DACH1: variants seen among roughly 807,000 people sequenced by gnomAD.
DACH1 encodes the protein dachshund homolog 1.
DACH1 carries 12 observed loss-of-function variants against 54.2 expected under a neutral mutation model. The observed-to-expected ratio is 0.22, with a 90% CI of 0.14 to 0.36. The LOEUF is 0.36. DACH1 is among the 10% of genes least tolerant of loss of function. The probability of loss-of-function intolerance (pLI) is 1.00; values close to 1 mark genes in which losing one functional copy is unlikely to be tolerated. For synonymous variants in DACH1, 386 were observed against 366.2 expected (o/e 1.05, Z -0.62); for missense variants, 805 against 929.8 (o/e 0.87, Z 1.75).
At chr13:71,641,148 C>T (rs1197083563) in intron 2 of DACH1, among the ~76,000 whole-genome samples, 3 of 151,794 alleles carry the variant, frequency 2.0e-5, no homozygotes, top group Admixed American at 1.3e-4. Context: ...CTGGAAAATA[C>T]GTGGCCACAA....
chr13:71,446,486 A>G (rs964154024), intron 10 of DACH1, among the ~76,000 whole-genome samples: 1 of 152,214 alleles, frequency 6.6e-6, no homozygotes, highest in African/African-American at 2.4e-5. Context: ...CCACCAACCC[A>G]AGAAAATAAT....
chr13:71,654,442 AATAAAATAAAAT>A (rs1878927565), intron 2 of DACH1, among the ~76,000 whole-genome samples: 1 of 142,722 alleles, frequency 7.0e-6, no homozygotes, highest in South Asian at 2.2e-4. Context: ...AATAAAATAA[AATAAAATAAAAT>A]AAAGTAAAAT....
intron 3 of DACH1, among the ~76,000 whole-genome samples, chr13:71,616,271 G>A (rs1875754202): frequency 6.6e-6 from 1 of 152,134 alleles, no homozygotes; most frequent in Admixed American, 6.5e-5. Flanking sequence ...GCTGTGTGAG[G>A]ATGAACAGAA....
chr13:71,786,414 C>T (rs1886593330), intron 1 of DACH1, among the ~76,000 whole-genome samples: 1 of 152,002 alleles, frequency 6.6e-6, no homozygotes, highest in Admixed American at 6.6e-5. Context: ...CATAGCCAGG[C>T]AGGTGAAGTA....
intron 6 of DACH1, among the ~76,000 whole-genome samples, chr13:71,518,770 CAG>C (rs1397134770): frequency 2.6e-5 from 4 of 151,734 alleles, no homozygotes; most frequent in Non-Finnish European, 5.9e-5. Context: ...TTAGAGGAAA[CAG>C]AAATCATATT....
In DACH1 at chr13:71,559,837, C is replaced by T; in HGVS notation, c.1418G>A (p.Ser473Asn). 1 of 1,613,692 alleles carries T rather than the reference C, an allele frequency of 6.2e-7. No homozygotes were observed. Among genetic ancestry groups the T allele is most frequent in the Non-Finnish European group, 8.5e-7 (1 of 1,179,866 alleles). The change falls in exon 5 of 11, where the codon AGC (serine) becomes AAC (asparagine). Residue 473 changes from serine to asparagine, a missense_variant. Transcript: ENST00000613252. ...SVSSSPARTESSSDRIPVHQN... is the reference protein window; with the variant it reads ...SVSSSPARTENSSDRIPVHQN... ...AGACCTACGGATTCTGTCAGAAGAG[C>T]TCTCAGTCCGAGCAGGGGAGCTGGA...
chr13:71,536,251 C>G (rs1882790983), intron 6 of DACH1, among the ~76,000 whole-genome samples: 1 of 152,098 alleles, frequency 6.6e-6, no homozygotes, highest in African/African-American at 2.4e-5. Context: ...AAAATTTACA[C>G]TCAAAATAAT....
chr13:71,698,352 A>C (rs1009422587), intron 1 of DACH1, among the ~76,000 whole-genome samples: 6 of 152,208 alleles, frequency 3.9e-5, no homozygotes, highest in Non-Finnish European at 8.8e-5. Flanking sequence ...AATCAAATAT[A>C]AAATATCATA....
At chr13:71,500,455 C>T (rs1277101721) in intron 6 of DACH1, among the ~76,000 whole-genome samples, 3 of 151,960 alleles carry the variant, frequency 2.0e-5, no homozygotes, top group Non-Finnish European at 4.4e-5. Context: ...CAAATAATAC[C>T]CCTGAAATAC....
chr13:71,673,609 G>T (rs760047822), intron 2 of DACH1, among the ~76,000 whole-genome samples: 25 of 152,108 alleles, frequency 1.6e-4, no homozygotes, highest in African/African-American at 5.5e-4. Flanking sequence ...GGTGCCTGTT[G>T]GGGGGTGTGG....
chr13:71,484,188 G>T (rs1199137350), intron 7 of DACH1, among the ~76,000 whole-genome samples: 1 of 68,792 alleles, frequency 1.5e-5, no homozygotes, highest in Non-Finnish European at 3.7e-5. Flanking sequence ...TTAAGATAGG[G>T]TCTCACTCAG....
chr13:71,521,082 A>G (rs1881565171), intron 6 of DACH1, among the ~76,000 whole-genome samples: 1 of 151,994 alleles, frequency 6.6e-6, no homozygotes, highest in East Asian at 1.9e-4. Flanking sequence ...CTGGAATTCA[A>G]TTCCCAGACC....
chr13:71,703,614 G>C (rs554191121), intron 1 of DACH1, among the ~76,000 whole-genome samples: 1 of 152,316 alleles, frequency 6.6e-6, no homozygotes, highest in East Asian at 1.9e-4. Context: ...ATGTATGCTA[G>C]AGCTCAACTG....
chr13:71,860,367 C>A (rs1048233480), intron 1 of DACH1, among the ~76,000 whole-genome samples: 1 of 150,994 alleles, frequency 6.6e-6, no homozygotes, highest in South Asian at 2.1e-4. Context: ...AATGATAAAA[C>A]TTTATCTTAA....
intron 1 of DACH1, among the ~76,000 whole-genome samples, chr13:71,831,539 T>C (rs1290347508): frequency 6.6e-6 from 1 of 151,876 alleles, no homozygotes; most frequent in East Asian, 1.9e-4. Context: ...GGCTTTTTTC[T>C]GTACTACTAT....
intron 2 of DACH1, among the ~76,000 whole-genome samples, chr13:71,638,636 TAGA>T (rs1189513603): frequency 1.3e-5 from 2 of 152,156 alleles, no homozygotes; most frequent in African/African-American, 4.8e-5. Context: ...TCTGTTGAAC[TAGA>T]AGATTAGTGG....
At chr13:71,569,146 T>C (rs1593910446) in intron 4 of DACH1, among the ~76,000 whole-genome samples, 1 of 152,130 alleles carries the variant, frequency 6.6e-6, no homozygotes, top group East Asian at 1.9e-4. Flanking sequence ...CATTTAATTC[T>C]TTCAACCCTA....
At chr13:71,656,334 CTATT>C (rs901804830) in intron 2 of DACH1, among the ~76,000 whole-genome samples, 54 of 152,180 alleles carry the variant, frequency 3.5e-4, no homozygotes, top group African/African-American at 1.3e-3. Flanking sequence ...CTCTCAGCTT[CTATT>C]TATTTATTTA....
intron 6 of DACH1, among the ~76,000 whole-genome samples, chr13:71,556,371 C>G (rs549832887): frequency 6.6e-6 from 1 of 152,014 alleles, no homozygotes; most frequent in African/African-American, 2.4e-5. Context: ...TTAACACTTA[C>G]AATTTGAAAA....
Sources: allele counts gnomAD v4.1 joint callset (sites outside exome capture counted in the v4.1 genomes callset), GRCh38; gene constraint gnomAD v4.1.1; transcripts MANE v1.5; gene names NCBI Gene and HGNC (gene_info 2026-07-23, HGNC 2026-07-21).